Variants in RASAL3 observed in about 807,000 individuals in gnomAD.
RASAL3 encodes the protein RAS protein activator like 3, also known as RAS protein activator like-3.
Under a neutral mutation model 105.5 loss-of-function variants are expected in RASAL3, and 74 were observed. The ratio of observed to expected loss-of-function variants is 0.70; its 90% CI spans 0.58 to 0.85. The LOEUF is 0.85. Ranked by LOEUF, RASAL3 falls within the 40% of genes least tolerant of loss-of-function variation. The pLI is 0.00. For synonymous variants in RASAL3, 579 were observed against 591.6 expected (o/e 0.98, Z 0.31); for missense variants, 1,352 against 1,392.0 (o/e 0.97, Z 0.46).
chr19:15,458,281 G>C lies in RASAL3; in HGVS notation c.888+47C>G. 1.9e-6 allele frequency: 3 copies of C among 1,560,422 alleles called. No individual in the cohort carries two copies. In the South Asian group the frequency reaches 3.5e-5, roughly 18 times the overall value. ...TGGGTAGAGTGGAAGGGGCGGGCCA[G>C]GCCTGTGGGCGGGGTCTCCGTGTCC... On this transcript the variant is annotated intron_variant, in intron 8 of 17. Transcript: ENST00000343625.
chr19:15,454,103 C>A, intron 14 of RASAL3, 46 bp downstream of exon 14: 1 of 1,393,012 alleles, frequency 7.2e-7, no homozygotes, highest in Non-Finnish European at 9.9e-7. Context: ...GAGCCCTGCT[C>A]CTTCCTGTTC....
chr19:15,463,356 G>A (rs1457102533), intron 2 of RASAL3, among the ~76,000 whole-genome samples: 1 of 152,024 alleles, frequency 6.6e-6, no homozygotes, highest in Admixed American at 6.6e-5. Flanking sequence ...GCCTCCCAAA[G>A]TGCTGGGATT....
chr19:15,456,645 G>A lies in RASAL3; in HGVS notation c.1433C>T (p.Ala478Val). Residue 478 changes from alanine (A) to valine (V), a missense_variant and splice_region_variant, in exon 10 of 18, where the codon GCG (alanine) becomes GTG (valine). This residue lies in a region of RASAL3 where 920 missense variants were observed against 919.6 expected (regional missense o/e 1.00). Transcript: ENST00000343625. This position sits in a 1 kb window ranked among gnomAD's most constrained non-coding sequence, Gnocchi z 4.4. Reference sequence around the variant, plus strand: ...CGCAGTGCCCAGGTCAGTCACCAGCGCCTAGGAAGGGCAGGAGGTCAGGTT... The same window carrying A: ...CGCAGTGCCCAGGTCAGTCACCAGCACCTAGGAAGGGCAGGAGGTCAGGTT... ...RVLRATGRAQALVTDLGTAEL... is the reference protein window; with the variant it reads ...RVLRATGRAQVLVTDLGTAEL... 1.2e-6 allele frequency: 2 copies of A among 1,611,308 alleles called. No individual in the cohort carries two copies. Among genetic ancestry groups the A allele is most frequent in the East Asian group, 2.2e-5 (1 of 44,850 alleles).
Position 15,454,912 on chromosome 19 carries a change from T to C in RASAL3, c.1722-19A>G. 6.5e-7 allele frequency: 1 copy of C among 1,528,734 alleles called. No homozygotes were observed. 94.7% of individuals were successfully genotyped at this position (1,528,734 alleles called of 1,614,324 possible). A position where few individuals can be genotyped will look rare whatever the true frequency, so the allele number is the denominator to read the frequency against. On this transcript the variant is annotated intron_variant, in intron 11 of 17. Transcript: ENST00000343625. ...GAACCAGCTGGTGCAGAAGAGGCAA[T>C]GAATGGTCAGACGGGGAGGCTATGG...
chr19:15,456,725 A>C lies in RASAL3; in HGVS notation c.1432-79T>G, dbSNP rs1235802808. 5 of 1,512,052 alleles carry C rather than the reference A, an allele frequency of 3.3e-6. No homozygotes were observed. In the East Asian group the frequency reaches 1.2e-4, roughly 36 times the overall value. 93.7% of individuals were successfully genotyped at this position (1,512,052 alleles called of 1,614,324 possible). On this transcript the variant is annotated intron_variant, in intron 9 of 17. Transcript: ENST00000343625. The surrounding 1 kb of genome is among the most constrained non-coding windows in gnomAD (Gnocchi z 4.4). ...TTCGGATCCTTGGCTGGTCCCTCAC[A>C]CCAGAGGCACAGGCCCCGCCCCTTG...
Position 15,453,233 on chromosome 19 carries a change from G to C in RASAL3, c.2544C>G (p.Pro848=). 6.3e-7 allele frequency: 1 copy of C among 1,597,512 alleles called. No homozygotes were observed. ...AGTCCCGGGTCCAAGGCCGGGCGCG[G>C]GGCGCTGGTCCCATGCTCAGGGAGC... ...PKGSLSMGPA[P]RARPWTRDSA... is the part of the protein sequence containing the mutation. Residue 848 remains proline, a synonymous_variant, in exon 15 of 18, where the codon CCC becomes CCG. Transcript: ENST00000343625. The surrounding 1 kb of genome is among the most constrained non-coding windows in gnomAD (Gnocchi z 4.2).
At position 15,457,898 on chromosome 19, in the gene RASAL3, C is replaced by G. The variant is rs374999318; in HGVS notation, c.889-64G>C. 338 of 1,524,934 alleles carry G rather than the reference C, an allele frequency of 2.2e-4. 1 individual carries two copies. The African/African-American group carries it at 4.3e-3, about 19-fold the overall frequency. The allele number at this position is 1,524,934 out of a possible 1,614,324, so 94.5% of individuals were successfully genotyped here. A position where few individuals can be genotyped will look rare whatever the true frequency, so the allele number is the denominator to read the frequency against. On this transcript the variant is annotated intron_variant, in intron 8 of 17. Coordinates refer to ENST00000343625, the MANE Select transcript of RASAL3 (RefSeq NM_022904.3). The surrounding 1 kb of genome is among the most constrained non-coding windows in gnomAD (Gnocchi z 8.6). Reference sequence around the variant, plus strand: ...TGTTGGCACCCCAAAGAAGGCACCGCAAGTGAAGCGTGGAGCCTCAAACCT... The same window carrying G: ...TGTTGGCACCCCAAAGAAGGCACCGGAAGTGAAGCGTGGAGCCTCAAACCT...
intron 6 of RASAL3, among the ~76,000 whole-genome samples, chr19:15,458,938 C>CTATTTATTTATT (rs113274252): frequency 6.6e-5 from 10 of 150,760 alleles, no homozygotes; most frequent in African/African-American, 2.0e-4. Flanking sequence ...TTATTTTATC[C>CTATTTATTTATT]TATTTATTTA....
chr19:15,456,315 C>A lies in RASAL3; in HGVS notation c.1577-67G>T. On this transcript the variant is annotated intron_variant, in intron 10 of 17. Coordinates refer to ENST00000343625, the MANE Select transcript of RASAL3 (RefSeq NM_022904.3). This position sits in a 1 kb window ranked among gnomAD's most constrained non-coding sequence, Gnocchi z 4.4. Reference sequence around the variant, plus strand: ...ACCAAAACCTGCCACACCCATCCTCCAACCTTGTCTTCAGGTTATTCCGGA... The same window carrying A: ...ACCAAAACCTGCCACACCCATCCTCAAACCTTGTCTTCAGGTTATTCCGGA... The A allele has an allele frequency of 6.3e-7, 1 of 1,587,304 alleles. No individual in the cohort carries two copies. Among genetic ancestry groups the A allele is most frequent in the Non-Finnish European group, 8.6e-7 (1 of 1,163,364 alleles).
Position 15,457,885 on chromosome 19 carries a change from A to C in RASAL3, c.889-51T>G. ...AAGCGTTTTGGTTTGTTGGCACCCC[A>C]AAGAAGGCACCGCAAGTGAAGCGTG... On this transcript the variant is annotated intron_variant, in intron 8 of 17. Coordinates refer to ENST00000343625, the MANE Select transcript of RASAL3 (RefSeq NM_022904.3). This position sits in a 1 kb window ranked among gnomAD's most constrained non-coding sequence, Gnocchi z 8.6. 1.3e-6 allele frequency: 2 copies of C among 1,537,726 alleles called. No individual in the cohort carries two copies. Among genetic ancestry groups the C allele is most frequent in the South Asian group, 2.4e-5 (2 of 83,332 alleles).
At chr19:15,459,509 T>A (rs1009558742) in intron 6 of RASAL3, among the ~76,000 whole-genome samples, 1 of 151,892 alleles carries the variant, frequency 6.6e-6, no homozygotes, top group African/African-American at 2.4e-5. Context: ...CCTCCCAAAC[T>A]GTGGGATTAC....
At chr19:15,455,001 TC>T in intron 11 of RASAL3, 108 bp from the exon 12 acceptor site, 1 of 804,894 alleles carries the variant, frequency 1.2e-6, no homozygotes, top group Non-Finnish European at 1.9e-6. Flanking sequence ...TCCATGATCC[TC>T]CAGAGAGCTA....
rs142945276 is a variant in RASAL3 at position 15,457,312 on chromosome 19, G to A, written c.1411C>T (p.Arg471Trp). ...CGCACCTGCGCCCGGCCGGTGGCCC[G>A]CAGCACGCGCACCATGGCTGCCGCC... Reference protein sequence around the residue: ...ELAAAMVRVLRATGRAQALVT... With the variant: ...ELAAAMVRVLWATGRAQALVT... The change falls in exon 9 of 18, where the codon CGG (arginine) becomes TGG (tryptophan). Residue 471 changes from arginine to tryptophan, a missense_variant. Around this residue, in one of 3 missense-constraint regions of RASAL3, gnomAD observed 920 missense variants for 919.6 expected, o/e 1.00. Coordinates refer to ENST00000343625, the MANE Select transcript of RASAL3 (RefSeq NM_022904.3). This position sits in a 1 kb window ranked among gnomAD's most constrained non-coding sequence, Gnocchi z 8.6. The A allele has an allele frequency of 8.0e-3, 10,568 of 1,315,642 alleles. 54 individuals are homozygous for A. The highest frequency in any genetic ancestry group is 9.1e-3 in the Non-Finnish European group (9,453 of 1,034,458). 81.5% of individuals were successfully genotyped at this position (1,315,642 alleles called of 1,614,324 possible). A position where few individuals can be genotyped will look rare whatever the true frequency, so the allele number is the denominator to read the frequency against.
At position 15,453,461 on chromosome 19, in the gene RASAL3, G is replaced by C; in HGVS notation, c.2316C>G (p.Pro772=). 6.5e-7 allele frequency: 1 copy of C among 1,545,742 alleles called. No homozygotes were observed. ...GAGGGGTGTGCTTGGGGAGGTCCCGGGGGGCCAGGAAGCCGGGCTTCTCCC... is the reference window on the plus strand; with the variant it reads ...GAGGGGTGTGCTTGGGGAGGTCCCGCGGGGCCAGGAAGCCGGGCTTCTCCC... ...SAGEKPGFLA[P]RDLPKHTPLI... The change falls in exon 15 of 18, where the codon CCC becomes CCG. Residue 772 remains proline (P), a synonymous_variant. Coordinates refer to ENST00000343625, the MANE Select transcript of RASAL3 (RefSeq NM_022904.3). This position sits in a 1 kb window ranked among gnomAD's most constrained non-coding sequence, Gnocchi z 4.2.
Position 15,453,604 on chromosome 19 carries a change from T to C in RASAL3, c.2280-107A>G. The stretch of plus-strand genomic sequence containing the variant: ...CCCCCACGTGAACTTGTCCTTTCTT[T>C]TTTTTTTTTGAGACAAGGTCTTGCT... On this transcript the variant is annotated intron_variant, in intron 14 of 17. Transcript: ENST00000343625. This position sits in a 1 kb window ranked among gnomAD's most constrained non-coding sequence, Gnocchi z 4.2. 8.6e-7 allele frequency: 1 copy of C among 1,156,922 alleles called. No individual in the cohort carries two copies. The highest frequency in any genetic ancestry group is 1.2e-6 in the Non-Finnish European group (1 of 867,790). The allele number at this position is 1,156,922 out of a possible 1,614,324, so 71.7% of individuals were successfully genotyped here.
chr19:15,460,120 G>C, intron 6 of RASAL3, 83 bp downstream of exon 6: 3 of 1,173,654 alleles, frequency 2.6e-6, no homozygotes, highest in Non-Finnish European at 3.7e-6. Context: ...GGTGTTTGGT[G>C]TAGATTGGAA....
rs1355123475 is a variant in RASAL3, at chr19:15,457,843, G to A, written c.889-9C>T. On this transcript the variant is annotated splice_polypyrimidine_tract_variant and intron_variant, in intron 8 of 17. Coordinates refer to ENST00000343625, the MANE Select transcript of RASAL3 (RefSeq NM_022904.3). This position sits in a 1 kb window ranked among gnomAD's most constrained non-coding sequence, Gnocchi z 8.6. ...TCCCGCTCCACGTTGTCCTGCAGAT[G>A]GGAGTGGGATGGGGGGAAGCGTTTT... The A allele has an allele frequency of 6.5e-7, 1 of 1,548,490 alleles. No homozygotes were observed. The highest frequency in any genetic ancestry group is 1.2e-5 in the South Asian group (1 of 83,956).
At position 15,456,919 on chromosome 19, in the gene RASAL3, T is replaced by A; in HGVS notation, c.1432-273A>T. The stretch of plus-strand genomic sequence containing the variant: ...CGCAGCTGAAGCTTAGGCTCCGCTC[T>A]TCAAGGTGTCCCGCCCCTTATGGGT... On this transcript the variant is annotated intron_variant, in intron 9 of 17. Transcript: ENST00000343625. The surrounding 1 kb of genome is among the most constrained non-coding windows in gnomAD (Gnocchi z 4.4). 1.8e-6 allele frequency: 1 copy of A among 540,812 alleles called. No homozygotes were observed. The highest frequency in any genetic ancestry group is 2.2e-5 in the South Asian group (1 of 44,448). 33.5% of individuals were successfully genotyped at this position (540,812 alleles called of 1,614,324 possible).
chr19:15,453,536 C>A lies in RASAL3; in HGVS notation c.2280-39G>T. On this transcript the variant is annotated intron_variant, in intron 14 of 17. Coordinates refer to ENST00000343625, the MANE Select transcript of RASAL3 (RefSeq NM_022904.3). The surrounding 1 kb of genome is among the most constrained non-coding windows in gnomAD (Gnocchi z 4.2). ...GGAGGATCTTAGACCCTCCACTGGCCCCTGAGACGACCCCATCCCGACCTG... is the reference window on the plus strand; with the variant it reads ...GGAGGATCTTAGACCCTCCACTGGCACCTGAGACGACCCCATCCCGACCTG... 6.8e-7 allele frequency: 1 copy of A among 1,472,034 alleles called. No homozygotes were observed. Among genetic ancestry groups the A allele is most frequent in the Non-Finnish European group, 8.9e-7 (1 of 1,121,550 alleles). 91.2% of individuals were successfully genotyped at this position (1,472,034 alleles called of 1,614,324 possible).
Sources: allele counts gnomAD v4.1 joint callset (sites outside exome capture counted in the v4.1 genomes callset), GRCh38; gene constraint gnomAD v4.1.1; regional missense constraint gnomAD v4.1.1; non-coding constraint Gnocchi (gnomAD v3.1); transcripts MANE v1.5; gene names NCBI Gene and HGNC (gene_info 2026-07-23, HGNC 2026-07-21).